WDR86: variants seen among roughly 807,000 people sequenced by gnomAD.
WDR86 encodes WD repeat-containing protein 86.
WDR86 carries 30 observed loss-of-function variants against 36.5 expected under a neutral mutation model. That is an observed-to-expected ratio of 0.82 (90% CI 0.61 to 1.11). WDR86 has a LOEUF of 1.11. Among genes scored for constraint, WDR86 ranks in the 50% most tolerant of loss-of-function variants. The probability of loss-of-function intolerance (pLI) is 0.00; values close to 1 mark genes in which losing one functional copy is unlikely to be tolerated. For synonymous variants in WDR86, 255 were observed against 252.9 expected, an observed-to-expected ratio of 1.01 and a Z score of -0.08; for missense variants, 545 against 561.2, an observed-to-expected ratio of 0.97 and a Z score of 0.29.
intron 3 of WDR86, among the ~76,000 whole-genome samples, chr7:151,387,691 G>A (rs991015062): frequency 6.6e-6 from 1 of 152,122 alleles, no homozygotes; most frequent in African/African-American, 2.4e-5. Flanking sequence ...AGGGAGCCCC[G>A]CAGGGGTGGG....
downstream of WDR86, chr7:151,378,409 T>C (rs917878122): frequency 6.6e-6 from 1 of 152,224 alleles, no homozygotes; most frequent in African/African-American, 2.4e-5. Context: ...TTTAAACGGA[T>C]GATACCGATG....
chr7:151,377,343 G>T, downstream of WDR86: 3 of 685,454 alleles, frequency 4.4e-6, no homozygotes, highest in African/African-American at 1.8e-5. Flanking sequence ...TTGGGTGTAG[G>T]AGGGGGTGGG....
downstream of WDR86, among the ~76,000 whole-genome samples, chr7:151,375,216 C>T (rs377552432): frequency 6.6e-5 from 10 of 152,082 alleles, no homozygotes; most frequent in East Asian, 1.2e-3. Flanking sequence ...TTAACATATA[C>T]GTTAAATTTT....
Position 151,409,863 on chromosome 7 carries a change from C to T in WDR86, c.-274G>A. On this transcript the variant is annotated 5_prime_UTR_variant, in exon 1 of 6. Coordinates refer to ENST00000334493, the MANE Select transcript of WDR86 (RefSeq NM_198285.3). The surrounding 1 kb of genome is among the most constrained non-coding windows in gnomAD (Gnocchi z 5.2). ...TCCTGGGCGCGCGGGCAGAGAGAACCCCCTTCCCAGCACCGCTCGGAGGAT... is the reference window on the plus strand; with the variant it reads ...TCCTGGGCGCGCGGGCAGAGAGAACTCCCTTCCCAGCACCGCTCGGAGGAT... The T allele has an allele frequency of 4.2e-6, 5 of 1,201,034 alleles. No homozygotes were observed. Among genetic ancestry groups the T allele is most frequent in the Non-Finnish European group, 5.2e-6 (5 of 968,514 alleles). 74.4% of individuals were successfully genotyped at this position (1,201,034 alleles called of 1,614,324 possible). A position where few individuals can be genotyped will look rare whatever the true frequency, so the allele number is the denominator to read the frequency against.
rs1321456209 is a variant in WDR86, at chr7:151,409,610, CAAG to C, written c.-24_-22del. On this transcript the variant is annotated 5_prime_UTR_variant, in exon 1 of 6. Transcript: ENST00000334493. The surrounding 1 kb of genome is among the most constrained non-coding windows in gnomAD (Gnocchi z 5.2). ...CCCATCCCGCTGGCAGGGCGGGGAA[CAAG>C]AAGGAGCTGCGCCCCGCTAGGGAGG... The C allele has an allele frequency of 1.5e-6, 2 of 1,366,836 alleles. No individual in the cohort carries two copies. The highest frequency in any genetic ancestry group is 1.8e-5 in the South Asian group (1 of 56,874). The allele number at this position is 1,366,836 out of a possible 1,614,324, so 84.7% of individuals were successfully genotyped here.
downstream of WDR86, chr7:151,375,833 TC>T (rs772949363): frequency 7.1e-6 from 11 of 1,554,424 alleles, no homozygotes; most frequent in Admixed American, 1.8e-4. Flanking sequence ...TAAAGGGTGT[TC>T]CTGTGTGTTT....
rs764755740 is a variant in WDR86 at position 151,396,152 on chromosome 7, C to T, written c.350G>A (p.Arg117Gln). The T allele has an allele frequency of 1.5e-5, 24 of 1,612,956 alleles. No homozygotes were observed. Among genetic ancestry groups the T allele is most frequent in the Admixed American group, 1.3e-4 (8 of 60,026 alleles). ...GTCCACACTCCAGACCCGAGCTGTC[C>T]GGTCATAGGAGCTGCTGAAGAGCTG... is the stretch of plus-strand genomic sequence containing the variant. ...NNQLFSSSYD[R>Q]TARVWSVDKG... Residue 117 changes from arginine (R) to glutamine (Q), a missense_variant, in exon 3 of 6, where the codon CGG (arginine) becomes CAG (glutamine). Transcript: ENST00000334493.
rs954481246 is a variant in WDR86, at chr7:151,409,939, C to T, written c.-350G>A. On this transcript the variant is annotated 5_prime_UTR_variant, in exon 1 of 6. Transcript: ENST00000334493. The surrounding 1 kb of genome is among the most constrained non-coding windows in gnomAD (Gnocchi z 5.2). ...AGCTGCGTCTCTGGTGCACAAGGAG[C>T]CCCCCGCCTCCTCTCGCGCCCACGG... is the stretch of plus-strand genomic sequence containing the variant. 5.7e-6 allele frequency: 6 copies of T among 1,051,514 alleles called. No individual in the cohort carries two copies. The African/African-American group carries it at 6.7e-5, about 12-fold the overall frequency. The allele number at this position is 1,051,514 out of a possible 1,614,324, so 65.1% of individuals were successfully genotyped here.
rs780816644 is a variant in WDR86, at chr7:151,409,494, C to A, written c.96G>T (p.Thr32=). The A allele has an allele frequency of 3.3e-6, 5 of 1,533,878 alleles. No homozygotes were observed. Among genetic ancestry groups the A allele is most frequent in the Non-Finnish European group, 4.4e-6 (5 of 1,146,074 alleles). The change falls in exon 1 of 6, where the codon ACG becomes ACT. Residue 32 remains threonine, a synonymous_variant. Transcript: ENST00000334493. This position sits in a 1 kb window ranked among gnomAD's most constrained non-coding sequence, Gnocchi z 5.2. Reference sequence around the variant, plus strand: ...GCCGGGCCGTGCCGTCCTCGCTGCCCGTCAGCAGGCGCTGCCCGTCGGGGC... The same window carrying A: ...GCCGGGCCGTGCCGTCCTCGCTGCCAGTCAGCAGGCGCTGCCCGTCGGGGC... ...SLSPDGQRLL[T]GSEDGTARLW... is the part of the protein sequence containing the mutation.
At chr7:151,398,719 G>T (rs528594624) in intron 2 of WDR86, among the ~76,000 whole-genome samples, 3 of 152,196 alleles carry the variant, frequency 2.0e-5, no homozygotes, top group African/African-American at 7.2e-5. Flanking sequence ...GCGCACATGT[G>T]TATGTGTAAG....
chr7:151,385,325 T>C (rs780600494), intron 3 of WDR86, 102 bp from the exon 4 acceptor site: 1 of 1,541,550 alleles, frequency 6.5e-7, no homozygotes, highest in Non-Finnish European at 8.7e-7. Flanking sequence ...GTCTCAGTGG[T>C]GAAACCATGG....
downstream of WDR86, among the ~76,000 whole-genome samples, chr7:151,374,780 A>G (rs1463959030): frequency 6.6e-6 from 1 of 152,156 alleles, no homozygotes; most frequent in Non-Finnish European, 1.5e-5. Flanking sequence ...TCGAATCCTC[A>G]GTAGGGCAGG....
At chr7:151,376,390 C>G, downstream of WDR86, 1 of 526,704 alleles carries the variant, frequency 1.9e-6, no homozygotes, top group Non-Finnish European at 3.4e-6. Flanking sequence ...GCCCTGCTCT[C>G]AGCCCGAGGT....
At chr7:151,376,712 C>CTGTG (rs759035713), downstream of WDR86, 2 of 1,608,402 alleles carry the variant, frequency 1.2e-6, no homozygotes, top group African/African-American at 2.7e-5. Flanking sequence ...GCTGGCCGCC[C>CTGTG]AGACCCTTGC....
At chr7:151,395,733 C>T in intron 3 of WDR86, 43 bp downstream of exon 3, 1 of 1,510,864 alleles carries the variant, frequency 6.6e-7, no homozygotes, top group South Asian at 1.3e-5. Context: ...AGGGGGTGAC[C>T]TGGGCTCCCC....
At chr7:151,380,288 C>T (rs933720744), downstream of WDR86, among the ~76,000 whole-genome samples, 5 of 152,332 alleles carry the variant, frequency 3.3e-5, no homozygotes, top group African/African-American at 7.2e-5. Context: ...TGTTCATCCG[C>T]GCCCGAGGGC....
rs997530170 is a variant in WDR86, at chr7:151,390,128, C to A, written c.727-4905G>T. Among the ~76,000 whole-genome samples the A allele has an allele frequency of 1.3e-5, 2 of 152,148 alleles. No individual in the cohort carries two copies. The highest frequency in any genetic ancestry group is 3.9e-4 in the East Asian group (2 of 5,178). On this transcript the variant is annotated intron_variant, in intron 3 of 5. Transcript: ENST00000334493. This position sits in a 1 kb window ranked among gnomAD's most constrained non-coding sequence, Gnocchi z 4.5. ...GGTGTAATGGCCAGCCCTGGTGCCA[C>A]GAACCAAGGGACAGTCAGAGCTCGG...
At chr7:151,378,279 C>G (rs553251159), downstream of WDR86, 2 of 152,354 alleles carry the variant, frequency 1.3e-5, no homozygotes, top group South Asian at 2.1e-4. Flanking sequence ...GACTTTCCCT[C>G]CCTTCCAGAA....
chr7:151,381,439 C>T lies in WDR86; in HGVS notation c.*143G>A. 1 of 1,492,434 alleles carries T rather than the reference C, an allele frequency of 6.7e-7. No individual in the cohort carries two copies. The highest frequency in any genetic ancestry group is 1.3e-5 in the South Asian group (1 of 79,736). The allele number at this position is 1,492,434 out of a possible 1,614,324, so 92.4% of individuals were successfully genotyped here. A position where few individuals can be genotyped will look rare whatever the true frequency, so the allele number is the denominator to read the frequency against. ...CTGGCCACCAAAGAAAAACCAGACGCCTGCGACGGGCTCTCCTCCCGCCCG... is the reference window on the plus strand; with the variant it reads ...CTGGCCACCAAAGAAAAACCAGACGTCTGCGACGGGCTCTCCTCCCGCCCG... On this transcript the variant is annotated 3_prime_UTR_variant, in exon 6 of 6. Coordinates refer to ENST00000334493, the MANE Select transcript of WDR86 (RefSeq NM_198285.3). This position sits in a 1 kb window ranked among gnomAD's most constrained non-coding sequence, Gnocchi z 4.8.
Sources: gnomAD v4.1 joint callset for allele counts (sites outside exome capture counted in the v4.1 genomes callset) on GRCh38, gnomAD v4.1.1 for gene constraint, Gnocchi (gnomAD v3.1) non-coding constraint, MANE v1.5 for transcripts, NCBI Gene and HGNC (gene_info 2026-07-23, HGNC 2026-07-21) for gene names.